Variants in SMYD3 observed in about 807,000 individuals in gnomAD.
SMYD3 encodes the protein histone-lysine N-methyltransferase SMYD3.
A neutral mutation model predicts 57.7 loss-of-function variants in SMYD3; 36 were observed. That is an observed-to-expected ratio of 0.62 (90% CI 0.48 to 0.82). The LOEUF (loss-of-function observed/expected upper bound fraction) is 0.82, where lower values mean the gene tolerates loss of function less well. Ranked by LOEUF, SMYD3 falls within the 40% of genes least tolerant of loss-of-function variation. The probability of loss-of-function intolerance (pLI) is 0.00; values close to 1 mark genes in which losing one functional copy is unlikely to be tolerated. For synonymous variants in SMYD3, 211 were observed against 195.0 expected (o/e 1.08, Z -0.68); for missense variants, 515 against 538.8 (o/e 0.96, Z 0.44).
chr1:245,999,632 A>G (rs552677601), intron 5 of SMYD3, among the ~76,000 whole-genome samples: 14 of 152,344 alleles, frequency 9.2e-5, no homozygotes, highest in Admixed American at 9.2e-4. Context: ...GGATTTAAGG[A>G]TAGGGATGTA....
chr1:246,219,198 G>GA (rs1267350561), intron 5 of SMYD3, among the ~76,000 whole-genome samples: 2 of 152,064 alleles, frequency 1.3e-5, no homozygotes, highest in Non-Finnish European at 2.9e-5. Context: ...TTCCCTGCTT[G>GA]AATGCTGCCT....
chr1:246,350,015 T>C (rs2065796922), intron 2 of SMYD3, among the ~76,000 whole-genome samples: 1 of 152,198 alleles, frequency 6.6e-6, no homozygotes, highest in Non-Finnish European at 1.5e-5. Flanking sequence ...CCCAACCATA[T>C]GTCATCCACA....
At chr1:246,479,883 C>A (rs2068080280) in intron 1 of SMYD3, among the ~76,000 whole-genome samples, 1 of 152,080 alleles carries the variant, frequency 6.6e-6, no homozygotes, top group Non-Finnish European at 1.5e-5. Context: ...CACGTAAAGT[C>A]TCACATTAAA....
chr1:245,846,941 G>A (rs956840818), intron 10 of SMYD3, among the ~76,000 whole-genome samples: 7 of 152,162 alleles, frequency 4.6e-5, no homozygotes, highest in Non-Finnish European at 1.0e-4. Flanking sequence ...CCTTTATGCA[G>A]GAAGAGCAAT....
intron 5 of SMYD3, among the ~76,000 whole-genome samples, chr1:245,961,728 C>A (rs1304976359): frequency 6.6e-6 from 1 of 151,956 alleles, no homozygotes; most frequent in Non-Finnish European, 1.5e-5. Context: ...GCCAGACACA[C>A]AGAGGAGGTA....
chr1:246,040,156 T>C (rs1048939432), intron 5 of SMYD3, among the ~76,000 whole-genome samples: 3 of 152,186 alleles, frequency 2.0e-5, no homozygotes, highest in Non-Finnish European at 2.9e-5. Context: ...TAACACGTGG[T>C]TTGCAATTAA....
rs989474436 is a variant in SMYD3, at chr1:246,178,229, C to G, written c.531+148972G>C. ...CACCTGAATGAACAATGCCAGGGAT[C>G]AGAGACGGTCCTTCTGGAATCAAGC... On this transcript the variant is annotated intron_variant, in intron 5 of 11. Coordinates refer to ENST00000490107, the MANE Select transcript of SMYD3 (RefSeq NM_001167740.2). 2.0e-5 allele frequency among the ~76,000 whole-genome samples: 3 copies of G among 152,126 alleles called. No homozygotes were observed. In the South Asian group the frequency reaches 6.2e-4, roughly 32 times the overall value.
chr1:246,476,521 G>T (rs1320660717), intron 1 of SMYD3, among the ~76,000 whole-genome samples: 1 of 152,142 alleles, frequency 6.6e-6, no homozygotes, highest in Admixed American at 6.5e-5. Flanking sequence ...TAAGTAACAA[G>T]ACTGTAAACC....
chr1:246,188,970 A>G (rs1227855273), intron 5 of SMYD3: 1 of 152,180 alleles, frequency 6.6e-6, no homozygotes, highest in Non-Finnish European at 1.5e-5. Flanking sequence ...AAAAAAAAAA[A>G]AAAAGGTCTG....
At chr1:245,963,772 A>T (rs569417148) in intron 5 of SMYD3, among the ~76,000 whole-genome samples, 3 of 152,292 alleles carry the variant, frequency 2.0e-5, no homozygotes, top group African/African-American at 7.2e-5. Flanking sequence ...GCAGAGCCTA[A>T]CCTACCTGGG....
chr1:245,880,453 A>T (rs945649958), intron 8 of SMYD3, among the ~76,000 whole-genome samples: 2 of 152,162 alleles, frequency 1.3e-5, no homozygotes, highest in Non-Finnish European at 2.9e-5. Flanking sequence ...CATTTTCCTT[A>T]TTTTATAGAT....
chr1:246,148,219 AG>A (rs1264548889), intron 5 of SMYD3, among the ~76,000 whole-genome samples: 1 of 152,124 alleles, frequency 6.6e-6, no homozygotes, highest in Non-Finnish European at 1.5e-5. Flanking sequence ...GGTCCATAAA[AG>A]CCTCAGGCTC....
rs111681212 is a variant in SMYD3, at chr1:246,070,442, C to T, written c.532-140505G>A. On this transcript the variant is annotated intron_variant, in intron 5 of 11. Coordinates refer to ENST00000490107, the MANE Select transcript of SMYD3 (RefSeq NM_001167740.2). ...CACGTATCCATCTCAAAATAATGCGCTTTTAGTTATTAGCTTTTATTCATT... is the reference window on the plus strand; with the variant it reads ...CACGTATCCATCTCAAAATAATGCGTTTTTAGTTATTAGCTTTTATTCATT... Among the ~76,000 whole-genome samples the T allele has an allele frequency of 7.8e-3, 1,192 of 152,292 alleles. 18 individuals are homozygous for T. The highest frequency in any genetic ancestry group is 0.028 in the African/African-American group (1,143 of 41,548).
At chr1:246,427,519 C>CAA (rs200791623) in intron 1 of SMYD3, among the ~76,000 whole-genome samples, 244 of 135,708 alleles carry the variant, frequency 1.8e-3, no homozygotes, top group East Asian at 7.3e-3. Flanking sequence ...GACTCCGTCT[C>CAA]AAAAAAAAAA....
intron 5 of SMYD3, among the ~76,000 whole-genome samples, chr1:246,306,721 A>G (rs2064985737): frequency 6.6e-6 from 1 of 152,252 alleles, no homozygotes; most frequent in Non-Finnish European, 1.5e-5. Context: ...CGCTCAGATA[A>G]GATCATTTTG....
intron 8 of SMYD3, among the ~76,000 whole-genome samples, chr1:245,885,580 A>G (rs1174142975): frequency 2.0e-5 from 3 of 152,164 alleles, no homozygotes. Flanking sequence ...TCAACCAGAT[A>G]AGGCCCCTCC....
chr1:246,276,465 T>C (rs2064334760), intron 5 of SMYD3, among the ~76,000 whole-genome samples: 1 of 150,638 alleles, frequency 6.6e-6, no homozygotes, highest in Non-Finnish European at 1.5e-5. Context: ...CACTGGCAGG[T>C]TATTTAATGT....
At chr1:246,381,427 C>CCTGGTGAGTAGTGT (rs1322283319) in intron 1 of SMYD3, among the ~76,000 whole-genome samples, 1 of 152,150 alleles carries the variant, frequency 6.6e-6, no homozygotes, top group Non-Finnish European at 1.5e-5. Flanking sequence ...AAAGACACTA[C>CCTGGTGAGTAGTGT]CTGGTGAGAA....
intron 9 of SMYD3, among the ~76,000 whole-genome samples, 192 bp downstream of exon 9, chr1:245,863,607 T>C (rs561766107): frequency 2.0e-3 from 306 of 152,312 alleles, no homozygotes; most frequent in Non-Finnish European, 3.1e-3. Context: ...ACGCTGATTT[T>C]GCCACGAACT....
Sources: allele counts gnomAD v4.1 joint callset (sites outside exome capture counted in the v4.1 genomes callset), GRCh38; gene constraint gnomAD v4.1.1; transcripts MANE v1.5; gene names NCBI Gene and HGNC (gene_info 2026-07-23, HGNC 2026-07-21).